The following INPP5F variants were observed in gnomAD, a reference collection of about 807,000 sequenced individuals.
INPP5F encodes inositol polyphosphate-5-phosphatase F.
Under a neutral mutation model 137.2 loss-of-function variants are expected in INPP5F, and 97 were observed. The observed-to-expected ratio is 0.71, with a 90% CI of 0.60 to 0.84. INPP5F has a LOEUF of 0.84. Among genes scored for constraint, INPP5F ranks in the 40% least tolerant of loss-of-function variants. The probability of loss-of-function intolerance (pLI) is 0.00; values close to 1 mark genes in which losing one functional copy is unlikely to be tolerated. For missense variants in INPP5F, 1,271 were observed against 1,371.9 expected (o/e 0.93, Z 1.16); for synonymous variants, 504 against 476.9 (o/e 1.06, Z -0.74).
chr10:119,814,502 G>C (rs1345836596), intron 15 of INPP5F: 1 of 152,272 alleles, frequency 6.6e-6, no homozygotes, highest in African/African-American at 2.4e-5. Flanking sequence ...AGTGACACGT[G>C]TTAGACAGCA....
intron 13 of INPP5F, 118 bp from the exon 14 acceptor site, chr10:119,809,982 C>G: frequency 1.5e-6 from 1 of 661,972 alleles, no homozygotes; most frequent in Admixed American, 2.5e-5. Flanking sequence ...TTATAGAAGT[C>G]AGACCTTGGA....
At chr10:119,730,562 T>C (rs1848027365) in intron 1 of INPP5F, among the ~76,000 whole-genome samples, 1 of 152,244 alleles carries the variant, frequency 6.6e-6, no homozygotes, top group Non-Finnish European at 1.5e-5. Flanking sequence ...AATGCTGATA[T>C]GGTCTTATCT....
chr10:119,798,918 A>T (rs1384646870), intron 9 of INPP5F, among the ~76,000 whole-genome samples: 1 of 150,662 alleles, frequency 6.6e-6, no homozygotes, highest in East Asian at 1.9e-4. Flanking sequence ...GGCATGTGCC[A>T]CTGTGCCCGG....
chr10:119,764,583 CTT>C (rs750705071), intron 2 of INPP5F, among the ~76,000 whole-genome samples: 17 of 140,342 alleles, frequency 1.2e-4, no homozygotes, highest in Admixed American at 1.4e-4. Context: ...TTATGGTTTT[CTT>C]TTTTTTTTTT....
chr10:119,731,143 A>T lies in INPP5F; in HGVS notation c.97+4784A>T, dbSNP rs181604895. 1.9e-3 allele frequency among the ~76,000 whole-genome samples: 292 copies of T among 151,986 alleles called. 6 individuals carry two copies. In the East Asian group the frequency reaches 0.026, roughly 13 times the overall value. Reference sequence around the variant, plus strand: ...GTTAGAATTCACAGAAATGTTAAAAATTTTTTCTGTTCTTCTTAGAGTTAA... The same window carrying T: ...GTTAGAATTCACAGAAATGTTAAAATTTTTTTCTGTTCTTCTTAGAGTTAA... On this transcript the variant is annotated intron_variant, in intron 1 of 19. Coordinates refer to ENST00000650623, the MANE Select transcript of INPP5F (RefSeq NM_014937.4).
Position 119,807,957 on chromosome 10 carries a change from C to G in INPP5F, c.1466C>G (p.Pro489Arg), listed in dbSNP as rs777077752. The change falls in exon 13 of 20, where the codon CCG becomes CGG. Residue 489 changes from proline (P) to arginine (R), a missense_variant. Pro to Arg is a moderately radical substitution (Grantham distance 103). This residue lies in a region of INPP5F where 593 missense variants were observed against 712.4 expected (regional missense o/e 0.83). Coordinates refer to ENST00000650623, the MANE Select transcript of INPP5F (RefSeq NM_014937.4). ...QQLKKLGVMP[P>R]EQPLPVKCNR... ...CTGAAAAAATTAGGTGTGATGCCCC[C>G]GGAACAGCCATTACCTGTGAAATGT... 1 of 1,612,598 alleles carries G rather than the reference C, an allele frequency of 6.2e-7. No individual in the cohort carries two copies. The highest frequency in any genetic ancestry group is 8.5e-7 in the Non-Finnish European group (1 of 1,179,512).
chr10:119,758,760 CAA>C (rs1231690118), intron 2 of INPP5F, among the ~76,000 whole-genome samples: 1 of 152,152 alleles, frequency 6.6e-6, no homozygotes, highest in Non-Finnish European at 1.5e-5. Context: ...CAATCCTAGA[CAA>C]AAATTCACTC....
At chr10:119,785,286 G>GTTTTTTTTTTTGTTTTTTTTTTTTTTT (rs1849847237) in intron 3 of INPP5F, among the ~76,000 whole-genome samples, 1 of 106,228 alleles carries the variant, frequency 9.4e-6, no homozygotes, top group African/African-American at 3.7e-5. Flanking sequence ...CTGCCAGACT[G>GTTTTTTTTTTTGTTTTTTTTTTTTTTT]TTTTTTTTTT....
At chr10:119,738,027 CTG>C (rs1848264855) in intron 1 of INPP5F, among the ~76,000 whole-genome samples, 1 of 152,146 alleles carries the variant, frequency 6.6e-6, no homozygotes, top group Admixed American at 6.5e-5. Flanking sequence ...GACTCATGCT[CTG>C]TGCAGGCACA....
intron 9 of INPP5F, 50 bp downstream of exon 9, chr10:119,798,660 C>T: frequency 7.6e-7 from 1 of 1,310,142 alleles, no homozygotes; most frequent in Non-Finnish European, 1.1e-6. Context: ...TTAGAAATAA[C>T]TTTTTCTTTA....
At chr10:119,797,042 T>A in intron 7 of INPP5F, 129 bp downstream of exon 7, 2 of 880,996 alleles carry the variant, frequency 2.3e-6, no homozygotes, top group Non-Finnish European at 3.6e-6. Flanking sequence ...TTGGGGACTC[T>A]AAATACTGTG....
intron 1 of INPP5F, among the ~76,000 whole-genome samples, chr10:119,728,950 AG>A (rs1847969874): frequency 6.6e-6 from 1 of 152,190 alleles, no homozygotes; most frequent in African/African-American, 2.4e-5. Context: ...GTGTTCCCCA[AG>A]GCAAGGGCTG....
chr10:119,747,377 A>G (rs1848566805), intron 1 of INPP5F, among the ~76,000 whole-genome samples: 1 of 151,396 alleles, frequency 6.6e-6, no homozygotes. Context: ...ACGCACCACC[A>G]CGCCCAGCTA....
intron 1 of INPP5F, among the ~76,000 whole-genome samples, chr10:119,740,346 T>C (rs1030091500): frequency 1.3e-5 from 2 of 152,216 alleles, no homozygotes; most frequent in African/African-American, 4.8e-5. Flanking sequence ...GACTGAATGC[T>C]GGATGCCCAG....
At chr10:119,768,692 T>C (rs17099288) in intron 2 of INPP5F, among the ~76,000 whole-genome samples, 8,571 of 152,256 alleles carry the variant, frequency 0.056, 320 homozygotes, top group Admixed American at 0.1. Flanking sequence ...CCAGTGGACC[T>C]AGGAAAGGTA....
At chr10:119,726,847 A>G (rs1847909984) in intron 1 of INPP5F, among the ~76,000 whole-genome samples, 2 of 152,222 alleles carry the variant, frequency 1.3e-5, no homozygotes, top group African/African-American at 4.8e-5. Flanking sequence ...TTGGTCCCTT[A>G]TTATTAAAGG....
chr10:119,784,293 T>C (rs1043241771), intron 3 of INPP5F, among the ~76,000 whole-genome samples: 8 of 152,236 alleles, frequency 5.3e-5, no homozygotes, highest in Admixed American at 4.6e-4. Context: ...TGAGTTTTGG[T>C]GGGTGTTTCC....
chr10:119,733,300 G>A (rs1243754444), intron 1 of INPP5F, among the ~76,000 whole-genome samples: 1 of 152,182 alleles, frequency 6.6e-6, no homozygotes. Context: ...ATAGTTACAG[G>A]GAATGTTGTT....
intron 1 of INPP5F, among the ~76,000 whole-genome samples, chr10:119,743,404 A>G (rs1848433631): frequency 6.6e-6 from 1 of 152,212 alleles, no homozygotes; most frequent in African/African-American, 2.4e-5. Context: ...GAGACAGGCA[A>G]GTCAGTAATG....
Sources: allele counts gnomAD v4.1 joint callset (sites outside exome capture counted in the v4.1 genomes callset), GRCh38; gene constraint gnomAD v4.1.1; regional missense constraint gnomAD v4.1.1; transcripts MANE v1.5; gene names NCBI Gene and HGNC (gene_info 2026-07-23, HGNC 2026-07-21).